PABIR3: variants seen among roughly 807,000 people sequenced by gnomAD.
The protein encoded by PABIR3 is PABIR family member 1.
A neutral mutation model predicts 23.1 loss-of-function variants in PABIR3; 20 were observed. The observed-to-expected ratio is 0.86, with a 90% CI of 0.61 to 1.26. PABIR3 has a LOEUF of 1.26. Among genes scored for constraint, PABIR3 ranks in the 50% most tolerant of loss-of-function variants. The pLI, the probability that PABIR3 is intolerant of heterozygous loss-of-function variation, is 0.00. For missense variants in PABIR3, 189 were observed against 195.4 expected, an observed-to-expected ratio of 0.97 and a Z score of 0.20; for synonymous variants, 69 against 68.5, an observed-to-expected ratio of 1.01 and a Z score of -0.04.
intron 4 of PABIR3, chrX:134,839,032 C>G (rs1253548183): frequency 8.5e-6 from 1 of 117,452 alleles, no homozygotes; most frequent in Non-Finnish European, 1.7e-5. Flanking sequence ...GTGGCGTGAT[C>G]TCGGCTCGCT....
At chrX:134,843,915 G>GTT (rs1400117850) in intron 4 of PABIR3, among the ~76,000 whole-genome samples, 1 of 83,862 alleles carries the variant, frequency 1.2e-5, no homozygotes, top group Non-Finnish European at 2.2e-5. Flanking sequence ...CTATATGCAT[G>GTT]TTCTTTTTTT....
intron 4 of PABIR3, among the ~76,000 whole-genome samples, chrX:134,842,673 G>A (rs2082275678): frequency 1.8e-5 from 2 of 111,193 alleles, no homozygotes; most frequent in African/African-American, 3.3e-5. Context: ...TGAGGCAGGT[G>A]GATCACCTGA....
intron 7 of PABIR3, 87 bp from the exon 8 acceptor site, chrX:134,847,796 A>C: frequency 1.3e-6 from 1 of 746,802 alleles, no homozygotes; most frequent in South Asian, 2.3e-5. Flanking sequence ...CTCCCTCCCT[A>C]CCATCCCTGC....
intron 4 of PABIR3, among the ~76,000 whole-genome samples, chrX:134,830,325 CTTTTTTTTTTTT>C (rs766717674): frequency 1.1e-4 from 7 of 62,526 alleles, no homozygotes; most frequent in East Asian, 9.5e-4. Flanking sequence ...GGTTTTTTTC[CTTTTTTTTTTTT>C]TTTTTTTTTT....
intron 3 of PABIR3, among the ~76,000 whole-genome samples, chrX:134,819,620 C>T (rs2081168381): frequency 9.0e-6 from 1 of 111,602 alleles, no homozygotes; most frequent in African/African-American, 3.3e-5. Context: ...CGAGGTGACT[C>T]AGGCCTGTAA....
At chrX:134,796,441 C>G (rs1336112143), upstream of PABIR3, 5 of 326,375 alleles carry the variant, frequency 1.5e-5, no homozygotes, top group Non-Finnish European at 2.7e-5. Context: ...GAGAGGAGGA[C>G]GAAGAGGTAG....
chrX:134,814,757 GTTTTTC>G lies in PABIR3; in HGVS notation c.111-8_111-3del, dbSNP rs2080882340. The G allele has an allele frequency of 4.1e-6, 4 of 972,159 alleles. No homozygotes were observed. The highest frequency in any genetic ancestry group is 5.7e-6 in the Non-Finnish European group (4 of 706,933). The allele number at this position is 972,159 out of a possible 1,213,427, so 80.1% of individuals were successfully genotyped here. ...TGGATTTTATATAACACATGTTTTT[GTTTTTC>G]TTTTTAGTTTTAATTCACAGGTGTT... On this transcript the variant is annotated splice_region_variant and splice_polypyrimidine_tract_variant and intron_variant, in intron 2 of 10. Transcript: ENST00000645433.
At chrX:134,809,961 G>A in intron 2 of PABIR3, 1 of 754,271 alleles carries the variant, frequency 1.3e-6, no homozygotes, top group South Asian at 6.7e-5. Flanking sequence ...ATAGAAGGGG[G>A]ACTCTGCATG....
intron 2 of PABIR3, among the ~76,000 whole-genome samples, chrX:134,814,063 A>C (rs2080830621): frequency 9.0e-6 from 1 of 111,067 alleles, no homozygotes; most frequent in Non-Finnish European, 1.9e-5. Context: ...CACATCTGTG[A>C]AAAATCTGAG....
chrX:134,828,047 C>CTCTCTCTCTCTCTCTA (rs1466733144), intron 3 of PABIR3, among the ~76,000 whole-genome samples: 2 of 49,420 alleles, frequency 4.0e-5, no homozygotes, highest in African/African-American at 1.6e-4. Flanking sequence ...CTCTCTCTCT[C>CTCTCTCTCTCTCTCTA]TATATATATA....
chrX:134,821,722 T>C, intron 3 of PABIR3: 1 of 974,604 alleles, frequency 1.0e-6, no homozygotes, highest in Non-Finnish European at 1.3e-6. Context: ...AATACATTCC[T>C]GATCCTGCTT....
At chrX:134,857,449 T>G (rs2082755973), downstream of PABIR3, among the ~76,000 whole-genome samples, 1 of 111,714 alleles carries the variant, frequency 9.0e-6, no homozygotes, top group Admixed American at 9.6e-5. Context: ...TTCGATTATA[T>G]CTGCAAAGAC....
chrX:134,849,199 C>T lies in PABIR3; in HGVS notation c.560C>T (p.Pro187Leu). ...CAAAATCCTACCAACATTATTAGAC[C>T]AAGTATCCTTGGACCATTAAAAAGA... ...RSQNPTNIIR[P>L]SILGPLKRKG... The change falls in exon 9 of 11, where the codon CCA becomes CTA. Residue 187 changes from proline (P) to leucine (L), a missense_variant. By Grantham distance (98) the Pro-to-Leu change is moderately conservative. Transcript: ENST00000645433. 1.0e-6 allele frequency: 1 copy of T among 977,823 alleles called. No homozygotes were observed. Among genetic ancestry groups the T allele is most frequent in the Middle Eastern group, 2.9e-4 (1 of 3,438 alleles). The allele number at this position is 977,823 out of a possible 1,213,427, so 80.6% of individuals were successfully genotyped here. A position where few individuals can be genotyped will look rare whatever the true frequency, so the allele number is the denominator to read the frequency against.
At chrX:134,821,462 C>A in intron 3 of PABIR3, 1 of 1,154,240 alleles carries the variant, frequency 8.7e-7, no homozygotes, top group Non-Finnish European at 1.1e-6. Context: ...CCTTTCTCTC[C>A]CACCAGGAAT....
At chrX:134,856,346 C>T (rs1232704856), downstream of PABIR3, among the ~76,000 whole-genome samples, 1 of 110,180 alleles carries the variant, frequency 9.1e-6, no homozygotes, top group Non-Finnish European at 1.9e-5. Flanking sequence ...CCACCATGCC[C>T]GGCTAATTTT....
chrX:134,840,167 C>G (rs948237501), intron 4 of PABIR3, among the ~76,000 whole-genome samples: 5 of 110,820 alleles, frequency 4.5e-5, no homozygotes, highest in Non-Finnish European at 7.6e-5. Flanking sequence ...GCAGCGTGCT[C>G]GTTAAGAGTC....
intron 3 of PABIR3, among the ~76,000 whole-genome samples, chrX:134,815,355 A>T (rs1040941841): frequency 8.9e-6 from 1 of 111,967 alleles, no homozygotes; most frequent in Non-Finnish European, 1.9e-5. Context: ...ACTCTTTTCT[A>T]CTAATTATCC....
chrX:134,855,167 G>T (rs768728176), downstream of PABIR3, among the ~76,000 whole-genome samples: 136 of 110,916 alleles, frequency 1.2e-3, no homozygotes, highest in African/African-American at 4.3e-3. Flanking sequence ...GGGCGTGGTG[G>T]CTCATGCCTG....
upstream of PABIR3, among the ~76,000 whole-genome samples, chrX:134,802,583 C>A (rs1163229244): frequency 1.8e-5 from 2 of 112,298 alleles, no homozygotes; most frequent in African/African-American, 3.2e-5. Context: ...TTGGGAACGT[C>A]CAGAGCAGGA....
Sources: allele counts gnomAD v4.1 joint callset (sites outside exome capture counted in the v4.1 genomes callset), GRCh38; gene constraint gnomAD v4.1.1; transcripts MANE v1.5; gene names NCBI Gene and HGNC (gene_info 2026-07-23, HGNC 2026-07-21).